Variants in CRY1 observed in about 807,000 individuals in gnomAD.
CRY1 encodes cryptochrome circadian regulator 1, also known as cryptochrome-1.
Under a neutral mutation model 76.0 loss-of-function variants are expected in CRY1, and 45 were observed. The ratio of observed to expected loss-of-function variants is 0.59; its 90% CI spans 0.47 to 0.76. CRY1 has a LOEUF of 0.76. Ranked by LOEUF, CRY1 falls within the 30% of genes least tolerant of loss-of-function variation. The pLI is 0.00. For missense variants in CRY1, 587 were observed against 716.4 expected, an observed-to-expected ratio of 0.82 and a Z score of 2.06; for synonymous variants, 248 against 244.0, an observed-to-expected ratio of 1.02 and a Z score of -0.15.
chr12:107,009,603 A>AT (rs1566245681), intron 2 of CRY1, among the ~76,000 whole-genome samples: 200 of 7,742 alleles, frequency 0.026, 9 homozygotes, highest in African/African-American at 0.056. Context: ...TATATATATA[A>AT]AATCTCTATA....
chr12:107,052,722 C>G (rs890429449), intron 1 of CRY1, among the ~76,000 whole-genome samples: 2 of 152,160 alleles, frequency 1.3e-5, no homozygotes, highest in African/African-American at 4.8e-5. Context: ...GAGGGAACAG[C>G]AGATGTACAA....
intron 1 of CRY1, among the ~76,000 whole-genome samples, chr12:107,079,522 G>A (rs1352695291): frequency 6.6e-6 from 1 of 152,142 alleles, no homozygotes; most frequent in East Asian, 1.9e-4. Flanking sequence ...GCTTAAGCCT[G>A]TTTGACTCAG....
chr12:107,007,763 C>A (rs1385176020), intron 2 of CRY1, among the ~76,000 whole-genome samples: 1 of 152,146 alleles, frequency 6.6e-6, no homozygotes, highest in Non-Finnish European at 1.5e-5. Context: ...ATCCTGCCCT[C>A]AAGAGATCCT....
chr12:107,038,047 T>C (rs1952756960), intron 1 of CRY1, among the ~76,000 whole-genome samples: 1 of 151,914 alleles, frequency 6.6e-6, no homozygotes, highest in Admixed American at 6.6e-5. Flanking sequence ...GGCTGCTGAG[T>C]AGAAAATAAG....
In CRY1 at chr12:107,047,664, C is replaced by T. The variant is rs559844810; in HGVS notation, c.159-25472G>A. On this transcript the variant is annotated intron_variant, in intron 1 of 12. Coordinates refer to ENST00000008527, the MANE Select transcript of CRY1 (RefSeq NM_004075.5). ...AAGGATGAGTTTGCTTCCCCTTCTG[C>T]CATGATTGTAAGGTTTCTTAAGGCC... 3.1e-4 allele frequency among the ~76,000 whole-genome samples: 47 copies of T among 152,306 alleles called. No individual in the cohort carries two copies. The South Asian group carries it at 3.5e-3, about 11-fold the overall frequency.
At chr12:106,998,669 C>CACACACACACAT (rs1952261109) in intron 7 of CRY1, among the ~76,000 whole-genome samples, 1 of 151,364 alleles carries the variant, frequency 6.6e-6, no homozygotes, top group Non-Finnish European at 1.5e-5. Context: ...AACACACACA[C>CACACACACACAT]ACACACACAC....
Position 106,992,897 on chromosome 12 carries a change from A to G in CRY1, c.1658-7T>C. 6.2e-7 allele frequency: 1 copy of G among 1,613,960 alleles called. No individual in the cohort carries two copies. Among genetic ancestry groups the G allele is most frequent in the Non-Finnish European group, 8.5e-7 (1 of 1,179,914 alleles). On this transcript the variant is annotated splice_region_variant and splice_polypyrimidine_tract_variant and intron_variant, in intron 11 of 12. Coordinates refer to ENST00000008527, the MANE Select transcript of CRY1 (RefSeq NM_004075.5). ...GTGCCCATGGAGCTTCTTCCTGCAC[A>G]TTTAAAAAATGTATGTTTAAGATAG...
chr12:107,037,752 A>G (rs1952752846), intron 1 of CRY1, among the ~76,000 whole-genome samples: 1 of 152,070 alleles, frequency 6.6e-6, no homozygotes, highest in Admixed American at 6.6e-5. Context: ...TCTGTTGCCC[A>G]GGCTGAAGTG....
chr12:107,060,158 A>G (rs1953029932), intron 1 of CRY1, among the ~76,000 whole-genome samples: 1 of 152,216 alleles, frequency 6.6e-6, no homozygotes, highest in South Asian at 2.1e-4. Context: ...ATCTCATTTA[A>G]TACTCAAACA....
intron 1 of CRY1, among the ~76,000 whole-genome samples, chr12:107,074,706 T>G (rs777493769): frequency 1.3e-5 from 2 of 152,230 alleles, no homozygotes; most frequent in Non-Finnish European, 2.9e-5. Flanking sequence ...TTGGCAATTA[T>G]GTAGTTAACA....
chr12:107,088,809 C>G (rs1269452190), intron 1 of CRY1, among the ~76,000 whole-genome samples: 1 of 152,202 alleles, frequency 6.6e-6, no homozygotes, highest in Non-Finnish European at 1.5e-5. Flanking sequence ...TCATCCCAGA[C>G]AAGCACAGAG....
chr12:107,070,694 A>G (rs1394872303), intron 1 of CRY1, among the ~76,000 whole-genome samples: 1 of 148,348 alleles, frequency 6.7e-6, no homozygotes, highest in African/African-American at 2.5e-5. Context: ...TTATTTATTT[A>G]TTTATTTATT....
At chr12:107,029,793 A>T (rs995848552) in intron 1 of CRY1, among the ~76,000 whole-genome samples, 1 of 152,188 alleles carries the variant, frequency 6.6e-6, no homozygotes, top group Non-Finnish European at 1.5e-5. Context: ...AGTAACCTGA[A>T]TATGTATATT....
At chr12:107,026,156 A>AT (rs1565829158) in intron 1 of CRY1, among the ~76,000 whole-genome samples, 6 of 17,910 alleles carry the variant, frequency 3.4e-4, no homozygotes, top group African/African-American at 2.2e-3. Context: ...ATATATATAT[A>AT]AAATATATAT....
At chr12:107,017,037 CT>C (rs1952504113) in intron 2 of CRY1, among the ~76,000 whole-genome samples, 1 of 152,216 alleles carries the variant, frequency 6.6e-6, no homozygotes, top group Admixed American at 6.5e-5. Context: ...GCTTCTGCCT[CT>C]ACAACACTTC....
chr12:107,007,710 C>T (rs1261577147), intron 2 of CRY1, among the ~76,000 whole-genome samples: 1 of 151,332 alleles, frequency 6.6e-6, no homozygotes, highest in South Asian at 2.1e-4. Flanking sequence ...AATTTTTTTT[C>T]GTAAAGACAG....
chr12:107,079,953 G>A (rs1206796525), intron 1 of CRY1, among the ~76,000 whole-genome samples: 3 of 152,120 alleles, frequency 2.0e-5, no homozygotes, highest in Non-Finnish European at 4.4e-5. Flanking sequence ...AATTAGAGAA[G>A]GGCAAGGGGG....
rs189763332 is a variant in CRY1 at position 107,041,643 on chromosome 12, C to T, written c.159-19451G>A. ...GTATAAAATATACTTCTAGGCTTTA[C>T]AGGATTAATATGGAACTAAATGAAG... On this transcript the variant is annotated intron_variant, in intron 1 of 12. Coordinates refer to ENST00000008527, the MANE Select transcript of CRY1 (RefSeq NM_004075.5). Among the ~76,000 whole-genome samples the T allele has an allele frequency of 4.5e-4, 69 of 152,218 alleles. No homozygotes were observed. In the East Asian group the frequency reaches 0.011, roughly 23 times the overall value.
intron 2 of CRY1, among the ~76,000 whole-genome samples, chr12:107,012,764 G>A (rs1214971917): frequency 6.6e-6 from 1 of 152,198 alleles, no homozygotes; most frequent in African/African-American, 2.4e-5. Context: ...ATGGGAGGAG[G>A]TTAAAATATC....
Sources: allele counts gnomAD v4.1 joint callset (sites outside exome capture counted in the v4.1 genomes callset), GRCh38; gene constraint gnomAD v4.1.1; transcripts MANE v1.5; gene names NCBI Gene and HGNC (gene_info 2026-07-23, HGNC 2026-07-21).